The following CRYBB2 variants were observed in gnomAD, a reference collection of about 807,000 sequenced individuals.
CRYBB2 encodes the protein beta-crystallin B2.
Under a neutral mutation model 24.3 loss-of-function variants are expected in CRYBB2, and 12 were observed. That is an observed-to-expected ratio of 0.49 (90% CI 0.32 to 0.80). CRYBB2 has a LOEUF of 0.80. Among genes scored for constraint, CRYBB2 ranks in the 30% least tolerant of loss-of-function variants. The pLI is 0.04. For synonymous variants in CRYBB2, 98 were observed against 101.6 expected, an observed-to-expected ratio of 0.96 and a Z score of 0.21; for missense variants, 198 against 268.5, an observed-to-expected ratio of 0.74 and a Z score of 1.83.
Position 25,224,977 on chromosome 22 carries a change from C to T in CRYBB2, c.114C>T (p.Cys38=), listed in dbSNP as rs1433490721. Reference sequence around the variant, plus strand: ...ACTCGCATGAGCTCAATGGGCCCTGCCCCAACCTGAAGGAAACTGGCGTGG... The same window carrying T: ...ACTCGCATGAGCTCAATGGGCCCTGTCCCAACCTGAAGGAAACTGGCGTGG... The part of the protein sequence containing the change: ...QGHSHELNGP[C]PNLKETGVEK... The change falls in exon 3 of 6, where the codon TGC becomes TGT. Residue 38 remains cysteine, a synonymous_variant. Transcript: ENST00000398215. 6.2e-7 allele frequency: 1 copy of T among 1,613,360 alleles called. No individual in the cohort carries two copies.
chr22:25,230,777 CT>C lies in CRYBB2; in HGVS notation c.450-825del, dbSNP rs1253345235. 2.7e-5 allele frequency among the ~76,000 whole-genome samples: 4 copies of C among 149,884 alleles called. No homozygotes were observed. The East Asian group carries it at 7.8e-4, about 29-fold the overall frequency. ...GGTGAAGGAGATTAAAGAGATCTGG[CT>C]TCTGCCCTGTGTAGCCAACAGTCTA... On this transcript the variant is annotated intron_variant, in intron 5 of 5. Coordinates refer to ENST00000398215, the MANE Select transcript of CRYBB2 (RefSeq NM_000496.3).
upstream of CRYBB2, among the ~76,000 whole-genome samples, chr22:25,218,763 GAGAGAGAGAGAGAGAGAAGA>G (rs1569016071): frequency 0.013 from 486 of 36,116 alleles, 3 homozygotes; most frequent in East Asian, 0.037. Context: ...GAGAGAGAGA[GAGAGAGAGAGAGAGAGAAGA>G]AAGAAAGAAA....
intron 4 of CRYBB2, among the ~76,000 whole-genome samples, chr22:25,229,017 T>A (rs538330451): frequency 6.9e-6 from 1 of 144,710 alleles, no homozygotes; most frequent in African/African-American, 2.6e-5. Flanking sequence ...CAAGTGTGGG[T>A]GTGCACGTGT....
chr22:25,215,684 T>G (rs888474375), upstream of CRYBB2, among the ~76,000 whole-genome samples: 6 of 152,182 alleles, frequency 3.9e-5, no homozygotes, highest in African/African-American at 1.4e-4. Context: ...AGTAGGAAGC[T>G]TTATAGTTTA....
At chr22:25,218,393 A>G (rs1935216096), upstream of CRYBB2, among the ~76,000 whole-genome samples, 1 of 151,994 alleles carries the variant, frequency 6.6e-6, no homozygotes, top group Admixed American at 6.6e-5. Flanking sequence ...GCAGTGGCTC[A>G]TGCCTGGAAT....
At chr22:25,212,208 A>G (rs2146079711), upstream of CRYBB2, among the ~76,000 whole-genome samples, 1 of 152,368 alleles carries the variant, frequency 6.6e-6, no homozygotes, top group Non-Finnish European at 1.5e-5. Context: ...TGCTGAAGAC[A>G]TGCTCCGTAG....
Position 25,221,487 on chromosome 22 carries a change from G to C in CRYBB2, c.54+4G>C. ...GCCACAGTCCCTCAACCCCAAGGTG[G>C]GTACCTCTCAGAGGAGGGGGCATGC... On this transcript the variant is annotated splice_donor_region_variant and intron_variant, in intron 2 of 5. Coordinates refer to ENST00000398215, the MANE Select transcript of CRYBB2 (RefSeq NM_000496.3). 1 of 1,611,170 alleles carries C rather than the reference G, an allele frequency of 6.2e-7. No homozygotes were observed.
Position 25,227,249 on chromosome 22 carries a change from G to A in CRYBB2, c.174-604G>A, listed in dbSNP as rs185990965. ...TGAAAGCCATCCCTTCCTCTTTAAT[G>A]TACTATTTTTCTTCTAATGTGGATC... On this transcript the variant is annotated intron_variant, in intron 3 of 5. Coordinates refer to ENST00000398215, the MANE Select transcript of CRYBB2 (RefSeq NM_000496.3). 5.1e-3 allele frequency among the ~76,000 whole-genome samples: 780 copies of A among 152,112 alleles called. 6 individuals carry two copies. The highest frequency in any genetic ancestry group is 8.3e-3 in the Non-Finnish European group (567 of 68,014).
At chr22:25,218,800 A>AAGAG (rs1397708794), upstream of CRYBB2, among the ~76,000 whole-genome samples, 4 of 116,254 alleles carry the variant, frequency 3.4e-5, 1 homozygote, top group African/African-American at 3.8e-5. Context: ...GAAAGAAAGA[A>AAGAG]AGAAAGAAAG....
At position 25,228,004 on chromosome 22, in the gene CRYBB2, C is replaced by A; in HGVS notation, c.306+19C>A. 2 of 1,614,068 alleles carry A rather than the reference C, an allele frequency of 1.2e-6. No homozygotes were observed. The highest frequency in any genetic ancestry group is 1.7e-6 in the Non-Finnish European group (2 of 1,179,998). On this transcript the variant is annotated intron_variant, in intron 4 of 5. Coordinates refer to ENST00000398215, the MANE Select transcript of CRYBB2 (RefSeq NM_000496.3). ...CAAAGTGGTGAGCCCCCTGCCATCA[C>A]CCTACTCCCTCTCTCTGCCCATCAT...
At chr22:25,223,848 C>T (rs550403220) in intron 2 of CRYBB2, among the ~76,000 whole-genome samples, 16 of 152,106 alleles carry the variant, frequency 1.1e-4, no homozygotes, top group Non-Finnish European at 1.8e-4. Flanking sequence ...AGGCCGGGCG[C>T]GGTGGCTCAC....
chr22:25,218,773 G>GAAAA (rs1398690316), upstream of CRYBB2, among the ~76,000 whole-genome samples: 2 of 32,234 alleles, frequency 6.2e-5, no homozygotes, highest in Non-Finnish European at 1.0e-4. Context: ...GAGAGAGAGA[G>GAAAA]AGAGAGAAGA....
chr22:25,224,899 G>C lies in CRYBB2; in HGVS notation c.55-19G>C. On this transcript the variant is annotated intron_variant, in intron 2 of 5. Transcript: ENST00000398215. ...CCTCTTCATCGTGATGAGGGTCTGA[G>C]TCTCGCTTCCTCTTGCAGATCATCA... 1 of 1,343,572 alleles carries C rather than the reference G, an allele frequency of 7.4e-7. No individual in the cohort carries two copies. Among genetic ancestry groups the C allele is most frequent in the Non-Finnish European group, 1.1e-6 (1 of 932,736 alleles). The allele number at this position is 1,343,572 out of a possible 1,614,324, so 83.2% of individuals were successfully genotyped here.
chr22:25,223,740 C>A (rs909005702), intron 2 of CRYBB2, among the ~76,000 whole-genome samples: 1 of 152,112 alleles, frequency 6.6e-6, no homozygotes, highest in Admixed American at 6.5e-5. Flanking sequence ...GTAGCTGCCC[C>A]GACTGAGAGT....
chr22:25,221,966 C>G (rs1342023170), intron 2 of CRYBB2, among the ~76,000 whole-genome samples: 1 of 152,246 alleles, frequency 6.6e-6, no homozygotes, highest in African/African-American at 2.4e-5. Flanking sequence ...CAGGCTCAGC[C>G]TAACACCCGG....
upstream of CRYBB2, among the ~76,000 whole-genome samples, chr22:25,218,798 G>GAAAGAAAGAA (rs1935258434): frequency 1.0e-5 from 1 of 98,330 alleles, no homozygotes; most frequent in African/African-American, 4.6e-5. Flanking sequence ...AAGAAAGAAA[G>GAAAGAAAGAA]AAAGAAAGAA....
At chr22:25,229,803 A>AGTG (rs1045888525) in intron 5 of CRYBB2, among the ~76,000 whole-genome samples, 53 of 151,946 alleles carry the variant, frequency 3.5e-4, no homozygotes, top group African/African-American at 1.3e-3. Flanking sequence ...ATGCCTTTGG[A>AGTG]GTGGAGAAAC....
At chr22:25,227,430 CAT>C (rs1259138665) in intron 3 of CRYBB2, among the ~76,000 whole-genome samples, 2 of 151,828 alleles carry the variant, frequency 1.3e-5, no homozygotes, top group African/African-American at 4.8e-5. Flanking sequence ...GCAGCCGTGT[CAT>C]ATTGATAGCT....
At position 25,224,972 on chromosome 22, in the gene CRYBB2, C is replaced by T. The variant is rs750776090; in HGVS notation, c.109C>T (p.Pro37Ser). 6.2e-6 allele frequency: 10 copies of T among 1,613,430 alleles called. No homozygotes were observed. Among genetic ancestry groups the T allele is most frequent in the Non-Finnish European group, 8.5e-6 (10 of 1,179,336 alleles). The change falls in exon 3 of 6, where the codon CCC becomes TCC. Residue 37 changes from proline (P) to serine (S), a missense_variant. By Grantham distance (74) the Pro-to-Ser change is moderately conservative. Transcript: ENST00000398215. ...FQGHSHELNG[P>S]CPNLKETGVE... ...AGGCCACTCGCATGAGCTCAATGGG[C>T]CCTGCCCCAACCTGAAGGAAACTGG...
Sources: gnomAD v4.1 joint callset for allele counts (sites outside exome capture counted in the v4.1 genomes callset) on GRCh38, gnomAD v4.1.1 for gene constraint, MANE v1.5 for transcripts, NCBI Gene and HGNC (gene_info 2026-07-23, HGNC 2026-07-21) for gene names.